Variants in DGKH observed in about 807,000 individuals in gnomAD.
The protein encoded by DGKH is DAG kinase eta.
A neutral mutation model predicts 159.3 loss-of-function variants in DGKH; 90 were observed. That is an observed-to-expected ratio of 0.57 (90% confidence interval 0.48 to 0.67). The LOEUF (loss-of-function observed/expected upper bound fraction) is 0.67, where lower values mean the gene tolerates loss of function less well. Ranked by LOEUF, DGKH falls within the 30% of genes least tolerant of loss-of-function variation. The probability of loss-of-function intolerance (pLI) is 0.00; values close to 1 mark genes in which losing one functional copy is unlikely to be tolerated. For missense variants in DGKH, 1,181 were observed against 1,506.1 expected (o/e 0.78, Z 3.57); for synonymous variants, 536 against 553.8 (o/e 0.97, Z 0.45).
Position 42,041,620 on chromosome 13 carries a change from C to T in DGKH, c.-13+1494C>T, listed in dbSNP as rs77638098. 5.6e-3 allele frequency among the ~76,000 whole-genome samples: 847 copies of T among 152,270 alleles called. 14 individuals are homozygous for T. The highest frequency in any genetic ancestry group is 0.019 in the African/African-American group (780 of 41,544). ...GGCTTTGGATTTGTTCCCTCAAACT[C>T]CCTCAACTTCCTTCTCTCTTCCGAT... On this transcript the variant is annotated intron_variant, in intron 1 of 29. Coordinates refer to the DGKH transcript ENST00000379274.
At chr13:42,173,507 C>T (rs1042104905) in intron 11 of DGKH, among the ~76,000 whole-genome samples, 3 of 151,968 alleles carry the variant, frequency 2.0e-5, no homozygotes, top group African/African-American at 7.3e-5. Context: ...TTCATTATTT[C>T]TTAATTTAAG....
chr13:42,067,797 G>A (rs1309990671), intron 1 of DGKH, among the ~76,000 whole-genome samples: 2 of 151,768 alleles, frequency 1.3e-5, no homozygotes, highest in East Asian at 3.9e-4. Flanking sequence ...AAATAAAATA[G>A]ATGAAACAAA....
At chr13:42,245,815 C>G (rs183929671), downstream of DGKH, among the ~76,000 whole-genome samples, 1 of 152,214 alleles carries the variant, frequency 6.6e-6, no homozygotes, top group African/African-American at 2.4e-5. Context: ...GAACCCCTGA[C>G]CTCATGATCC....
At chr13:42,179,951 T>A (rs1005551051) in intron 13 of DGKH, among the ~76,000 whole-genome samples, 1 of 152,200 alleles carries the variant, frequency 6.6e-6, no homozygotes, top group South Asian at 2.1e-4. Context: ...ATTAAAAATA[T>A]GTGAAATATA....
rs1372234396 is a variant in DGKH, at chr13:42,210,657, A to C, written c.2906A>C (p.Lys969Thr). 6.2e-7 allele frequency: 1 copy of C among 1,612,112 alleles called. No individual in the cohort carries two copies. The highest frequency in any genetic ancestry group is 8.5e-7 in the Non-Finnish European group (1 of 1,179,940). ...GATAAGCAGAAGTGTGATTCTGGTA[A>C]ACCAGTTCTCCGAACCCATTTGTAC... The part of the protein sequence containing the change: ...WEDKQKCDSG[K>T]PVLRTHLYIH... Residue 969 changes from lysine to threonine, a missense_variant, in exon 24 of 30, where the codon AAA (lysine) becomes ACA (threonine). By Grantham distance (78) the Lys-to-Thr change is moderately conservative. Coordinates refer to ENST00000337343, the MANE Select transcript of DGKH (RefSeq NM_178009.5).
At chr13:42,117,907 T>C (rs985399571) in intron 1 of DGKH, among the ~76,000 whole-genome samples, 1 of 152,124 alleles carries the variant, frequency 6.6e-6, no homozygotes, top group Non-Finnish European at 1.5e-5. Flanking sequence ...TGAAATCTGC[T>C]GAACCCTGGA....
chr13:42,220,122 A>G (rs1957927865), intron 28 of DGKH, among the ~76,000 whole-genome samples: 1 of 152,178 alleles, frequency 6.6e-6, no homozygotes, highest in South Asian at 2.1e-4. Flanking sequence ...TTCTGTTCAG[A>G]TGGTTCTTTC....
intron 1 of DGKH, among the ~76,000 whole-genome samples, chr13:42,122,671 A>C (rs1222545679): frequency 6.6e-6 from 1 of 152,200 alleles, no homozygotes. Context: ...GGGACATCAA[A>C]TTATAATAGA....
chr13:42,253,133 C>T (rs535714608), intron 30 of DGKH, among the ~76,000 whole-genome samples: 2 of 152,300 alleles, frequency 1.3e-5, no homozygotes, highest in East Asian at 3.9e-4. Flanking sequence ...TTCTGGTTCA[C>T]CTTTATGCTG....
chr13:42,045,802 G>A (rs1414629604), upstream of DGKH, among the ~76,000 whole-genome samples: 1 of 152,172 alleles, frequency 6.6e-6, no homozygotes, highest in African/African-American at 2.4e-5. Flanking sequence ...TTAAGATAAA[G>A]CCATAGAATA....
upstream of DGKH, among the ~76,000 whole-genome samples, chr13:42,047,664 CAGCT>C (rs944330456): frequency 1.1e-4 from 17 of 152,330 alleles, no homozygotes; most frequent in Middle Eastern, 3.4e-3. Context: ...CCCGCGCAGC[CAGCT>C]TGCAGGGGAG....
intron 1 of DGKH, among the ~76,000 whole-genome samples, chr13:42,125,187 C>A (rs1044583722): frequency 3.3e-5 from 5 of 152,198 alleles, no homozygotes; most frequent in Admixed American, 6.5e-5. Context: ...TCTCCTATAA[C>A]CTCCTCTCTT....
chr13:42,090,048 A>G (rs1954387312), intron 1 of DGKH, among the ~76,000 whole-genome samples: 1 of 152,166 alleles, frequency 6.6e-6, no homozygotes, highest in Non-Finnish European at 1.5e-5. Flanking sequence ...CCTAATTATA[A>G]TATATTTGGA....
At chr13:42,215,523 T>TA in intron 25 of DGKH, 52 bp from the exon 26 acceptor site, 3 of 1,342,424 alleles carry the variant, frequency 2.2e-6, no homozygotes, top group Non-Finnish European at 3.1e-6. Flanking sequence ...TTTATGGTAA[T>TA]GAAATCCTAT....
intron 1 of DGKH, among the ~76,000 whole-genome samples, chr13:42,053,454 A>G (rs1384331146): frequency 6.8e-6 from 1 of 146,012 alleles, no homozygotes; most frequent in Admixed American, 6.9e-5. Context: ...AACTATATAT[A>G]TAACTATATA....
At chr13:42,222,833 A>G (rs1286344253) in intron 29 of DGKH, among the ~76,000 whole-genome samples, 1 of 152,212 alleles carries the variant, frequency 6.6e-6, no homozygotes, top group African/African-American at 2.4e-5. Flanking sequence ...CGTGTTATAT[A>G]TATACATACA....
chr13:42,127,485 T>C lies in DGKH; in HGVS notation c.215T>C (p.Leu72Pro), dbSNP rs1274504289. ...TAGACCAGTATTAAAGAGGGACAGC[T>C]ATTGAAGCAAACCAGTTCTTTCCAA... ...RTKTSIKEGQ[L>P]LKQTSSFQRW... Residue 72 changes from leucine (L) to proline (P), a missense_variant, in exon 2 of 30, where the codon CTA (leucine) becomes CCA (proline). Transcript: ENST00000337343. The C allele has an allele frequency of 1.2e-6, 2 of 1,613,634 alleles. No homozygotes were observed. Among genetic ancestry groups the C allele is most frequent in the Non-Finnish European group, 1.7e-6 (2 of 1,179,716 alleles).
chr13:42,201,055 C>T (rs2324889), intron 20 of DGKH, among the ~76,000 whole-genome samples: 67,238 of 151,684 alleles, frequency 0.44, 15,543 homozygotes, highest in Non-Finnish European at 0.53. Context: ...TGTAGTGGTG[C>T]GATCTCGGCT....
upstream of DGKH, among the ~76,000 whole-genome samples, chr13:42,047,595 G>A (rs1880877917): frequency 6.6e-6 from 1 of 152,186 alleles, no homozygotes; most frequent in Admixed American, 6.5e-5. Context: ...CCTCACACCT[G>A]TGAGGCTTCT....
Sources: gnomAD v4.1 joint callset for allele counts (sites outside exome capture counted in the v4.1 genomes callset) on GRCh38, gnomAD v4.1.1 for gene constraint, MANE v1.5 for transcripts, NCBI Gene and HGNC (gene_info 2026-07-23, HGNC 2026-07-21) for gene names.